Variants in IL22RA2 observed in about 807,000 individuals in gnomAD.
IL22RA2 encodes the protein interleukin-22 receptor subunit alpha-2.
In IL22RA2, 39 loss-of-function variants were observed where a neutral mutation model predicts 30.7. That is an observed-to-expected ratio of 1.27 (90% CI 0.98 to 1.66). The LOEUF (loss-of-function observed/expected upper bound fraction) is 1.66. Among genes scored for constraint, IL22RA2 ranks in the 40% most tolerant of loss-of-function variants. The pLI is 0.00. For synonymous variants in IL22RA2, 103 were observed against 105.0 expected (o/e 0.98, Z 0.11); for missense variants, 315 against 312.7 (o/e 1.01, Z -0.05).
intron 5 of IL22RA2, among the ~76,000 whole-genome samples, chr6:137,152,854 C>G (rs1416990273): frequency 2.6e-5 from 4 of 152,122 alleles, no homozygotes; most frequent in African/African-American, 9.7e-5. Flanking sequence ...CAATATGGAT[C>G]TCCTCTTACC....
At chr6:137,169,634 A>G (rs1457992768) in intron 1 of IL22RA2, among the ~76,000 whole-genome samples, 3 of 152,234 alleles carry the variant, frequency 2.0e-5, no homozygotes, top group Non-Finnish European at 4.4e-5. Context: ...CCCCCTGGGC[A>G]CAAGATGGGT....
chr6:137,165,567 T>C (rs1169710146), intron 1 of IL22RA2, among the ~76,000 whole-genome samples: 4 of 152,092 alleles, frequency 2.6e-5, no homozygotes, highest in Admixed American at 6.5e-5. Context: ...GCGGTCATGA[T>C]AGAGGACAAA....
Position 137,144,558 on chromosome 6 carries a change from G to T in IL22RA2, c.*1066C>A, listed in dbSNP as rs556020065. 1 of 152,434 alleles carries T rather than the reference G, an allele frequency of 6.6e-6. No individual in the cohort carries two copies. Among genetic ancestry groups the T allele is most frequent in the East Asian group, 1.9e-4 (1 of 5,184 alleles). The allele number at this position is 152,434 out of a possible 1,614,324, so 9.4% of individuals were successfully genotyped here. On this transcript the variant is annotated 3_prime_UTR_variant, in exon 7 of 7. Coordinates refer to ENST00000296980, the MANE Select transcript of IL22RA2 (RefSeq NM_052962.3). The stretch of plus-strand genomic sequence containing the variant: ...GTCACCAGATTTCTACTCAGGAGAG[G>T]CAGTGAGCAGGAGGGGCCAGTTTGG...
intron 5 of IL22RA2, among the ~76,000 whole-genome samples, chr6:137,154,263 C>T (rs1421316997): frequency 6.6e-6 from 1 of 152,120 alleles, no homozygotes; most frequent in Non-Finnish European, 1.5e-5. Flanking sequence ...TTTTCATGAA[C>T]TTAACCCTCG....
At chr6:137,153,384 A>G (rs1022684965) in intron 5 of IL22RA2, among the ~76,000 whole-genome samples, 5 of 152,134 alleles carry the variant, frequency 3.3e-5, no homozygotes, top group Non-Finnish European at 2.9e-5. Context: ...AAATGCTCCA[A>G]TTGGTAAATG....
At chr6:137,163,842 G>A (rs10457019) in intron 1 of IL22RA2, among the ~76,000 whole-genome samples, 21,326 of 152,112 alleles carry the variant, frequency 0.14, 1,644 homozygotes, top group Non-Finnish European at 0.17. Context: ...AGATGGTCTC[G>A]GGAGAGACCA....
chr6:137,156,898 A>G (rs775504630), intron 3 of IL22RA2, 44 bp from the exon 4 acceptor site: 4 of 1,587,254 alleles, frequency 2.5e-6, no homozygotes, highest in Non-Finnish European at 3.5e-6. Context: ...GAAGAGGCCA[A>G]ACTCAAGGGG....
chr6:137,146,141 C>T (rs932274285), intron 6 of IL22RA2, among the ~76,000 whole-genome samples: 6 of 152,168 alleles, frequency 3.9e-5, no homozygotes, highest in East Asian at 1.9e-4. Flanking sequence ...AAGAGATTCT[C>T]GTGCCTCAGC....
intron 5 of IL22RA2, among the ~76,000 whole-genome samples, chr6:137,148,773 G>A (rs1778230253): frequency 6.6e-6 from 1 of 152,170 alleles, no homozygotes; most frequent in Non-Finnish European, 1.5e-5. Flanking sequence ...TTGGAATAAT[G>A]GGATAGTTAA....
chr6:137,148,122 C>A (rs572776275), intron 5 of IL22RA2, among the ~76,000 whole-genome samples: 2 of 152,122 alleles, frequency 1.3e-5, no homozygotes, highest in African/African-American at 4.8e-5. Context: ...AATCTCGAAC[C>A]TTTATAAATG....
At chr6:137,167,675 T>C (rs1481958542) in intron 1 of IL22RA2, among the ~76,000 whole-genome samples, 1 of 152,150 alleles carries the variant, frequency 6.6e-6, no homozygotes, top group Non-Finnish European at 1.5e-5. Context: ...CTTGGGTTCA[T>C]CATAGCCGGC....
chr6:137,170,179 C>T (rs541956706), intron 1 of IL22RA2, among the ~76,000 whole-genome samples: 1 of 152,234 alleles, frequency 6.6e-6, no homozygotes, highest in African/African-American at 2.4e-5. Context: ...TGAGTATGTA[C>T]CCACTCAAGA....
chr6:137,147,201 A>ATT (rs1562267324), intron 6 of IL22RA2, among the ~76,000 whole-genome samples: 2 of 146,794 alleles, frequency 1.4e-5, no homozygotes, highest in African/African-American at 2.5e-5. Flanking sequence ...AAAAAAAAAA[A>ATT]AAAAAAAAAA....
chr6:137,165,659 T>C (rs2114391686), intron 1 of IL22RA2, among the ~76,000 whole-genome samples: 1 of 152,276 alleles, frequency 6.6e-6, no homozygotes, highest in South Asian at 2.1e-4. Flanking sequence ...TGCAAGCAGA[T>C]GGGACACTAG....
intron 1 of IL22RA2, among the ~76,000 whole-genome samples, chr6:137,168,799 T>A (rs1052978235): frequency 4.6e-5 from 7 of 152,214 alleles, no homozygotes; most frequent in Non-Finnish European, 8.8e-5. Flanking sequence ...CTCCTAGGAC[T>A]TGGTATTCCT....
intron 4 of IL22RA2, 21 bp downstream of exon 4, chr6:137,156,738 T>C (rs1188027548): frequency 6.2e-7 from 1 of 1,607,210 alleles, no homozygotes; most frequent in South Asian, 1.1e-5. Context: ...GCTAGGTAAT[T>C]GATAAGGAAA....
chr6:137,167,631 A>T (rs1477615267), intron 1 of IL22RA2, among the ~76,000 whole-genome samples: 1 of 151,866 alleles, frequency 6.6e-6, no homozygotes, highest in Non-Finnish European at 1.5e-5. Flanking sequence ...GATCTTGTCT[A>T]CTCCCACTGC....
At chr6:137,148,633 T>C (rs1778226955) in intron 5 of IL22RA2, among the ~76,000 whole-genome samples, 1 of 152,196 alleles carries the variant, frequency 6.6e-6, no homozygotes, top group Non-Finnish European at 1.5e-5. Context: ...TTATTTTTAT[T>C]TTTGCCCCTC....
At chr6:137,170,747 C>T (rs1273343076) in intron 1 of IL22RA2, among the ~76,000 whole-genome samples, 7 of 152,114 alleles carry the variant, frequency 4.6e-5, no homozygotes, top group South Asian at 2.1e-4. Context: ...TACATACCAC[C>T]GGGAAAGGGC....
Sources: gnomAD v4.1 joint callset for allele counts (sites outside exome capture counted in the v4.1 genomes callset) on GRCh38, gnomAD v4.1.1 for gene constraint, MANE v1.5 for transcripts, NCBI Gene and HGNC (gene_info 2026-07-23, HGNC 2026-07-21) for gene names.